Variants in CDH12 observed in about 807,000 individuals in gnomAD.
CDH12 encodes the protein cadherin 12.
Under a neutral mutation model 74.1 loss-of-function variants are expected in CDH12, and 41 were observed. The ratio of observed to expected loss-of-function variants is 0.55; its 90% confidence interval spans 0.43 to 0.72. CDH12 has a LOEUF of 0.72. CDH12 is among the 30% of genes least tolerant of loss of function. CDH12 has a pLI of 0.00. For synonymous variants in CDH12, 399 were observed against 355.0 expected (o/e 1.12, Z -1.39); for missense variants, 945 against 977.2 (o/e 0.97, Z 0.44).
At chr5:22,181,802 C>T (rs1749660359) in intron 4 of CDH12, among the ~76,000 whole-genome samples, 1 of 151,422 alleles carries the variant, frequency 6.6e-6, no homozygotes, top group Admixed American at 6.6e-5. Flanking sequence ...CATCCTTGAT[C>T]TCTCTCTCTC....
chr5:22,442,750 T>G (rs1002979930), intron 2 of CDH12, among the ~76,000 whole-genome samples: 6 of 152,020 alleles, frequency 3.9e-5, no homozygotes, highest in African/African-American at 1.4e-4. Flanking sequence ...GCCTGGAGTC[T>G]TTTCACAGAT....
At chr5:21,912,004 A>G (rs767846163) in intron 6 of CDH12, among the ~76,000 whole-genome samples, 16 of 152,180 alleles carry the variant, frequency 1.1e-4, no homozygotes, top group Admixed American at 6.6e-4. Flanking sequence ...GGAAGCTTAT[A>G]AAGAGAAACA....
At chr5:22,056,600 C>T (rs534308353) in intron 5 of CDH12, among the ~76,000 whole-genome samples, 23 of 152,250 alleles carry the variant, frequency 1.5e-4, no homozygotes, top group African/African-American at 5.5e-4. Flanking sequence ...AGGAATGAAA[C>T]GTGCAGTCTG....
chr5:22,504,152 T>C (rs1160294119), intron 2 of CDH12, among the ~76,000 whole-genome samples: 1 of 151,918 alleles, frequency 6.6e-6, no homozygotes, highest in Admixed American at 6.6e-5. Flanking sequence ...GAGAACAAAT[T>C]ACTAGATAAA....
chr5:21,793,431 GT>G, intron 10 of CDH12, among the ~76,000 whole-genome samples: 1 of 151,492 alleles, frequency 6.6e-6, no homozygotes, highest in East Asian at 1.9e-4. Context: ...TATTGATAAT[GT>G]CCTGGTCATA....
chr5:22,110,434 G>A (rs1309366768), intron 4 of CDH12, among the ~76,000 whole-genome samples: 2 of 151,682 alleles, frequency 1.3e-5, no homozygotes, highest in African/African-American at 2.4e-5. Flanking sequence ...CTCCCCAAAG[G>A]CTTGGATGTT....
Position 21,818,584 on chromosome 5 carries a change from A to G in CDH12, c.815-1452T>C, listed in dbSNP as rs142475351. ...TATCTTGAATATGCAGATCAGCCGT[A>G]TTTAAATCCAACATATTATCTCCAT... is the stretch of plus-strand genomic sequence containing the variant. On this transcript the variant is annotated intron_variant, in intron 8 of 14. Transcript: ENST00000382254. Among the ~76,000 whole-genome samples the G allele has an allele frequency of 1.6e-4, 24 of 152,088 alleles. No homozygotes were observed. The East Asian group carries it at 4.5e-3, about 28-fold the overall frequency.
intron 1 of CDH12, among the ~76,000 whole-genome samples, chr5:22,833,064 C>A (rs552597684): frequency 4.1e-4 from 63 of 152,208 alleles, no homozygotes; most frequent in African/African-American, 1.5e-3. Flanking sequence ...GCATGCCTAA[C>A]TTTTTTCCTT....
At chr5:21,849,267 G>A (rs1486712911) in intron 7 of CDH12, among the ~76,000 whole-genome samples, 2 of 151,484 alleles carry the variant, frequency 1.3e-5, no homozygotes, top group African/African-American at 2.4e-5. Context: ...ACATCCCTCC[G>A]GAATATTTTC....
At chr5:22,755,834 ACTGT>A (rs1472167102) in intron 1 of CDH12, among the ~76,000 whole-genome samples, 1 of 152,114 alleles carries the variant, frequency 6.6e-6, no homozygotes, top group Non-Finnish European at 1.5e-5. Flanking sequence ...GGAAGTTAAC[ACTGT>A]CTAACTATTT....
chr5:22,752,240 A>G lies in CDH12; in HGVS notation c.-523+100818T>C, dbSNP rs552100890. Reference sequence around the variant, plus strand: ...AATGTTTGCACTTAAAAACCCACAGAGATTTTTTAAAACATTTTTAATATG... The same window carrying G: ...AATGTTTGCACTTAAAAACCCACAGGGATTTTTTAAAACATTTTTAATATG... On this transcript the variant is annotated intron_variant, in intron 1 of 14. Coordinates refer to ENST00000382254, the MANE Select transcript of CDH12 (RefSeq NM_004061.5). Among the ~76,000 whole-genome samples, 36 of 152,302 alleles carry G rather than the reference A, an allele frequency of 2.4e-4. No homozygotes were observed. The South Asian group carries it at 7.5e-3, about 32-fold the overall frequency.
At chr5:22,344,452 T>C (rs1250296619) in intron 3 of CDH12, among the ~76,000 whole-genome samples, 1 of 152,200 alleles carries the variant, frequency 6.6e-6, no homozygotes, top group Non-Finnish European at 1.5e-5. Flanking sequence ...AATCCATAAG[T>C]AAATTAATTT....
At chr5:22,160,644 C>T (rs1748289687) in intron 4 of CDH12, among the ~76,000 whole-genome samples, 1 of 152,156 alleles carries the variant, frequency 6.6e-6, no homozygotes, top group African/African-American at 2.4e-5. Context: ...GATCAGGGTG[C>T]TGGCTGATTT....
chr5:22,564,132 G>C (rs983668604), intron 1 of CDH12, among the ~76,000 whole-genome samples: 1 of 152,120 alleles, frequency 6.6e-6, no homozygotes, highest in African/African-American at 2.4e-5. Flanking sequence ...TCAATTTTCT[G>C]ATCATTTTGC....
At chr5:22,045,007 G>GA (rs1343518866) in intron 5 of CDH12, among the ~76,000 whole-genome samples, 1 of 152,086 alleles carries the variant, frequency 6.6e-6, no homozygotes, top group Non-Finnish European at 1.5e-5. Flanking sequence ...TATAGAATGG[G>GA]AAAAAATATT....
At chr5:22,026,832 C>A (rs1486400471) in intron 5 of CDH12, among the ~76,000 whole-genome samples, 1 of 152,116 alleles carries the variant, frequency 6.6e-6, no homozygotes, top group Non-Finnish European at 1.5e-5. Flanking sequence ...CTTTCAAATT[C>A]TTTGGTGCAG....
chr5:21,759,917 A>G (rs2149869765), intron 13 of CDH12, among the ~76,000 whole-genome samples: 1 of 152,172 alleles, frequency 6.6e-6, no homozygotes, highest in African/African-American at 2.4e-5. Context: ...GCTCCCACTT[A>G]TAAGTGAGAA....
At chr5:21,886,425 GT>G (rs1436166521) in intron 6 of CDH12, among the ~76,000 whole-genome samples, 2 of 148,552 alleles carry the variant, frequency 1.3e-5, no homozygotes, top group African/African-American at 2.5e-5. Context: ...CTTTGTTTGT[GT>G]TTTTTCTTTT....
At chr5:22,465,055 A>AG (rs1333171570) in intron 2 of CDH12, among the ~76,000 whole-genome samples, 3 of 103,852 alleles carry the variant, frequency 2.9e-5, no homozygotes, top group Non-Finnish European at 1.9e-5. Flanking sequence ...GGAGGAAGGG[A>AG]GGGGGGGAAA....
Sources: gnomAD v4.1 joint callset for allele counts (sites outside exome capture counted in the v4.1 genomes callset) on GRCh38, gnomAD v4.1.1 for gene constraint, MANE v1.5 for transcripts, NCBI Gene and HGNC (gene_info 2026-07-23, HGNC 2026-07-21) for gene names.